Variants in BTBD2 observed in about 807,000 individuals in gnomAD.
BTBD2 encodes BTB domain containing 2.
A neutral mutation model predicts 44.0 loss-of-function variants in BTBD2; 15 were observed. That is an observed-to-expected ratio of 0.34 (90% CI 0.23 to 0.53). The LOEUF is 0.53. BTBD2 is among the 20% of genes least tolerant of loss of function. The probability of loss-of-function intolerance (pLI) is 0.95; values close to 1 mark genes in which losing one functional copy is unlikely to be tolerated. For missense variants in BTBD2, 657 were observed against 746.4 expected, an observed-to-expected ratio of 0.88 and a Z score of 1.39; for synonymous variants, 443 against 335.9, an observed-to-expected ratio of 1.32 and a Z score of -3.49.
chr19:2,015,238 G>C lies in BTBD2; in HGVS notation c.407+59C>G, dbSNP rs929347960. 7.4e-6 allele frequency: 11 copies of C among 1,487,570 alleles called. 1 individual carries two copies. In the Middle Eastern group the frequency reaches 1.1e-3, roughly 148 times the overall value. The allele number at this position is 1,487,570 out of a possible 1,614,324, so 92.1% of individuals were successfully genotyped here. A position where few individuals can be genotyped will look rare whatever the true frequency, so the allele number is the denominator to read the frequency against. On this transcript the variant is annotated intron_variant, in intron 1 of 8. Coordinates refer to ENST00000255608, the MANE Select transcript of BTBD2 (RefSeq NM_017797.4). ...AGAGGGGTGCAGGGCCTCAGGTGCAGGGCCCGGGCAGCAGGCTGGGTGGGT... is the reference window on the plus strand; with the variant it reads ...AGAGGGGTGCAGGGCCTCAGGTGCACGGCCCGGGCAGCAGGCTGGGTGGGT...
intron 1 of BTBD2, among the ~76,000 whole-genome samples, chr19:2,004,208 C>T (rs2016365564): frequency 6.6e-6 from 1 of 152,038 alleles, no homozygotes; most frequent in African/African-American, 2.4e-5. Flanking sequence ...CAACCTGTGC[C>T]CCACCCACCC....
intron 1 of BTBD2, chr19:2,002,645 G>A (rs34376034): frequency 0.19 from 29,285 of 151,872 alleles, 3,155 homozygotes; most frequent in East Asian, 0.31. Flanking sequence ...AGGCCGAGGC[G>A]GGTGGATCAT....
At chr19:1,997,676 C>A (rs921665072) in intron 1 of BTBD2, among the ~76,000 whole-genome samples, 3 of 152,230 alleles carry the variant, frequency 2.0e-5, no homozygotes, top group Admixed American at 2.0e-4. Context: ...ACAGGCAGGG[C>A]TAGGACCATG....
At chr19:2,009,815 AC>A (rs1169735746) in intron 1 of BTBD2, among the ~76,000 whole-genome samples, 1 of 151,588 alleles carries the variant, frequency 6.6e-6, no homozygotes, top group Admixed American at 6.6e-5. Flanking sequence ...ACGCCACTGT[AC>A]CCCAGCCTGG....
chr19:2,009,889 C>T (rs946026538), intron 1 of BTBD2, among the ~76,000 whole-genome samples: 1 of 151,364 alleles, frequency 6.6e-6, no homozygotes, highest in African/African-American at 2.4e-5. Flanking sequence ...TGCGGTGGCT[C>T]ACGCCTGTAA....
intron 2 of BTBD2, 42 bp downstream of exon 2, chr19:1,997,302 C>A: frequency 6.2e-7 from 1 of 1,612,888 alleles, no homozygotes; most frequent in Non-Finnish European, 8.5e-7. Context: ...GGTCCCCCTC[C>A]CCAGGCCCAG....
chr19:2,005,255 G>C (rs2016380958), intron 1 of BTBD2, among the ~76,000 whole-genome samples: 1 of 152,184 alleles, frequency 6.6e-6, no homozygotes, highest in Admixed American at 6.6e-5. Flanking sequence ...GCACGAGGCT[G>C]TGTGAGGACA....
intron 1 of BTBD2, among the ~76,000 whole-genome samples, chr19:1,999,968 C>CA (rs5826753): frequency 1.6e-3 from 165 of 104,796 alleles, no homozygotes; most frequent in East Asian, 7.1e-3. Context: ...GACTCCACCT[C>CA]AAAAAAAAAA....
At chr19:1,987,864 G>A (rs1445860435) in intron 5 of BTBD2, 172 bp from the exon 6 acceptor site, 1 of 644,344 alleles carries the variant, frequency 1.6e-6, no homozygotes, top group Non-Finnish European at 2.6e-6. Flanking sequence ...TGCTGCCTGG[G>A]CTTTTAGGGA....
chr19:1,994,493 G>A (rs1336620734), intron 2 of BTBD2, among the ~76,000 whole-genome samples: 1 of 152,000 alleles, frequency 6.6e-6, no homozygotes, highest in Non-Finnish European at 1.5e-5. Context: ...GGGCACAGTG[G>A]CTCAGGCCTG....
chr19:1,994,675 CT>C (rs1753999712), intron 2 of BTBD2, among the ~76,000 whole-genome samples: 1 of 152,140 alleles, frequency 6.6e-6, no homozygotes, highest in South Asian at 2.1e-4. Context: ...AGGAGAATCA[CT>C]TGAACCCGGG....
chr19:1,990,487 C>G, intron 4 of BTBD2: 1 of 609,228 alleles, frequency 1.6e-6, no homozygotes. Context: ...CATCGGAGGA[C>G]GAGATGGTCA....
At chr19:1,994,645 G>C (rs977948105) in intron 2 of BTBD2, among the ~76,000 whole-genome samples, 1 of 152,046 alleles carries the variant, frequency 6.6e-6, no homozygotes, top group African/African-American at 2.4e-5. Flanking sequence ...TGTAGTCCCA[G>C]GTACTCAGGA....
Position 1,987,172 on chromosome 19 carries a change from G to T in BTBD2, c.1263C>A (p.Asn421Lys). 2 of 1,613,694 alleles carry T rather than the reference G, an allele frequency of 1.2e-6. No homozygotes were observed. Among genetic ancestry groups the T allele is most frequent in the Non-Finnish European group, 1.7e-6 (2 of 1,179,714 alleles). The stretch of plus-strand genomic sequence containing the variant: ...TGAGGCTTGGGGCTGGTACCTGGAT[G>T]TTCACTTGGTAGTCGGTGGGCCCGT... ...SIHGPTDYQV[N>K]IQIIHTDSNT... The change falls in exon 7 of 9, where the codon AAC becomes AAA. Residue 421 changes from asparagine to lysine, a missense_variant. Coordinates refer to ENST00000255608, the MANE Select transcript of BTBD2 (RefSeq NM_017797.4).
chr19:2,009,020 CT>C (rs34436568), intron 1 of BTBD2, among the ~76,000 whole-genome samples: 119 of 143,148 alleles, frequency 8.3e-4, no homozygotes, highest in Non-Finnish European at 8.8e-4. Flanking sequence ...ACACACTGTT[CT>C]TTTTTTTTTT....
chr19:1,987,865 C>T (rs1385298000), intron 5 of BTBD2, 173 bp from the exon 6 acceptor site: 6 of 642,496 alleles, frequency 9.3e-6, no homozygotes, highest in African/African-American at 1.8e-5. Flanking sequence ...GCTGCCTGGG[C>T]TTTTAGGGAG....
intron 2 of BTBD2, 96 bp downstream of exon 2, chr19:1,997,248 C>T: frequency 6.4e-7 from 1 of 1,552,194 alleles, no homozygotes; most frequent in Admixed American, 1.8e-5. Flanking sequence ...CTCCACCAAG[C>T]CAGGGCCTCT....
At chr19:2,013,089 C>T (rs1309372313) in intron 1 of BTBD2, among the ~76,000 whole-genome samples, 1 of 152,232 alleles carries the variant, frequency 6.6e-6, no homozygotes, top group Non-Finnish European at 1.5e-5. Context: ...CCGGAACCCT[C>T]CAGGGGCAGG....
At chr19:1,997,612 T>C in intron 1 of BTBD2, 149 bp from the exon 2 acceptor site, 1 of 1,217,074 alleles carries the variant, frequency 8.2e-7, no homozygotes. Context: ...GGCAGAGGCT[T>C]CTGGAAGGGG....
Sources: allele counts gnomAD v4.1 joint callset (sites outside exome capture counted in the v4.1 genomes callset), GRCh38; gene constraint gnomAD v4.1.1; transcripts MANE v1.5; gene names NCBI Gene and HGNC (gene_info 2026-07-23, HGNC 2026-07-21).